Variants in ARHGEF10L observed in about 807,000 individuals in gnomAD.
The protein encoded by ARHGEF10L is Rho guanine nucleotide exchange factor 10 like.
In ARHGEF10L, 69 loss-of-function variants were observed where a neutral mutation model predicts 141.2. That is an observed-to-expected ratio of 0.49 (90% CI 0.40 to 0.60). ARHGEF10L has a LOEUF of 0.60. ARHGEF10L is among the 20% of genes least tolerant of loss of function. The pLI is 0.00. For synonymous variants in ARHGEF10L, 711 were observed against 718.5 expected (o/e 0.99, Z 0.17); for missense variants, 1,482 against 1,734.3 (o/e 0.85, Z 2.58).
intron 2 of ARHGEF10L, among the ~76,000 whole-genome samples, chr1:17,582,487 T>C (rs760719899): frequency 2.0e-5 from 3 of 152,238 alleles, no homozygotes; most frequent in African/African-American, 2.4e-5. Context: ...TTCAAATTCC[T>C]GAGTAGGGGA....
intron 4 of ARHGEF10L, among the ~76,000 whole-genome samples, chr1:17,597,880 G>A (rs1262949416): frequency 6.6e-6 from 1 of 152,166 alleles, no homozygotes; most frequent in Non-Finnish European, 1.5e-5. Context: ...CCCTCCTGAA[G>A]TTGCCTGACC....
At chr1:17,645,864 A>C (rs904732012) in intron 21 of ARHGEF10L, among the ~76,000 whole-genome samples, 1 of 152,194 alleles carries the variant, frequency 6.6e-6, no homozygotes, top group Non-Finnish European at 1.5e-5. Flanking sequence ...GTGAGGATGC[A>C]GTGAGGCAGT....
the ARHGEF10L span, among the ~76,000 whole-genome samples, chr1:17,521,760 C>A: frequency 6.6e-6 from 1 of 152,140 alleles, no homozygotes; most frequent in Admixed American, 6.6e-5. Flanking sequence ...CTCAGCCAAG[C>A]TCTTAGCTGC....
Position 17,540,237 on chromosome 1 carries a change from C to T in ARHGEF10L, c.-44+287C>T, listed in dbSNP as rs2076669421. Among the ~76,000 whole-genome samples, 3 of 152,158 alleles carry T rather than the reference C, an allele frequency of 2.0e-5. No homozygotes were observed. In the South Asian group the frequency reaches 6.2e-4, roughly 32 times the overall value. On this transcript the variant is annotated intron_variant, in intron 1 of 28. Coordinates refer to ENST00000361221, the MANE Select transcript of ARHGEF10L (RefSeq NM_018125.4). Reference sequence around the variant, plus strand: ...CTTGTGTGTGTGTGTGGCCTCCAGCCGGCTGGAGTCAGGACAGTTTGGGAA... The same window carrying T: ...CTTGTGTGTGTGTGTGGCCTCCAGCTGGCTGGAGTCAGGACAGTTTGGGAA...
chr1:17,672,513 C>T (rs944212937), intron 26 of ARHGEF10L, among the ~76,000 whole-genome samples: 1 of 152,160 alleles, frequency 6.6e-6, no homozygotes, highest in African/African-American at 2.4e-5. Flanking sequence ...CCAGAGCATG[C>T]AGGGTCTCGC....
chr1:17,603,632 GGGGA>G lies in ARHGEF10L; in HGVS notation c.433+48_433+51del, dbSNP rs1201454498. ...TGCTTCCCTGTTTCTCTTGGGGACAGGGGAGGGAGGCTGGGACTGGGGAGGGTTG... is the reference window on the plus strand; with the variant it reads ...TGCTTCCCTGTTTCTCTTGGGGACAGGGGAGGCTGGGACTGGGGAGGGTTG... On this transcript the variant is annotated intron_variant, in intron 6 of 28. Coordinates refer to ENST00000361221, the MANE Select transcript of ARHGEF10L (RefSeq NM_018125.4). This position sits in a 1 kb window ranked among gnomAD's most constrained non-coding sequence, Gnocchi z 4.8. 1 of 1,538,832 alleles carries G rather than the reference GGGGA, an allele frequency of 6.5e-7. No homozygotes were observed. Among genetic ancestry groups the G allele is most frequent in the Non-Finnish European group, 8.8e-7 (1 of 1,133,234 alleles).
rs148912953 is a variant in ARHGEF10L at position 17,687,746 on chromosome 1, A to C, written c.3183A>C (p.Pro1061=). The change falls in exon 27 of 29, where the codon CCA becomes CCC. Residue 1061 remains proline, a splice_region_variant and synonymous_variant. Transcript: ENST00000361221. ...NIATRTTFLL[P]GQKHLCVTSL... ...CCACCAGGACCACCTTCCTCCTGCC[A>C]GGTGAGGCTGCCTCGGGCACGGGGG... 67 of 1,574,410 alleles carry C rather than the reference A, an allele frequency of 4.3e-5. No individual in the cohort carries two copies. The highest frequency in any genetic ancestry group is 3.4e-4 in the Middle Eastern group (2 of 5,896).
At chr1:17,560,329 TC>T (rs199523710) in intron 1 of ARHGEF10L, among the ~76,000 whole-genome samples, 2,914 of 152,288 alleles carry the variant, frequency 0.019, 45 homozygotes, top group Non-Finnish European at 0.027. Context: ...GTCCACACTT[TC>T]CCCACCTGGA....
At chr1:17,524,355 C>A in the ARHGEF10L span, among the ~76,000 whole-genome samples, 1 of 140,682 alleles carries the variant, frequency 7.1e-6, no homozygotes, top group Non-Finnish European at 1.5e-5. Context: ...CATAATAAAA[C>A]CCCGTCTCTA....
chr1:17,525,087 C>A, the ARHGEF10L span, among the ~76,000 whole-genome samples: 1 of 152,180 alleles, frequency 6.6e-6, no homozygotes. Flanking sequence ...CCGGACCACA[C>A]TGTGACCTGC....
At chr1:17,575,100 AC>A (rs986293281) in intron 1 of ARHGEF10L, among the ~76,000 whole-genome samples, 35 of 152,016 alleles carry the variant, frequency 2.3e-4, no homozygotes, top group African/African-American at 8.0e-4. Context: ...TCTAGTGTGT[AC>A]CCCGGGCCAG....
At chr1:17,618,262 A>ACCC in intron 9 of ARHGEF10L, 10 of 684,232 alleles carry the variant, frequency 1.5e-5, no homozygotes, top group East Asian at 1.2e-4. Flanking sequence ...AGCCCTCCCC[A>ACCC]CCCCGCCCAC....
chr1:17,667,521 G>A (rs370986197), intron 26 of ARHGEF10L, among the ~76,000 whole-genome samples: 1 of 152,246 alleles, frequency 6.6e-6, no homozygotes, highest in Admixed American at 6.5e-5. Context: ...CCCCCTGTTG[G>A]TCAGAGGACA....
chr1:17,527,409 G>A, the ARHGEF10L span, among the ~76,000 whole-genome samples: 1 of 152,192 alleles, frequency 6.6e-6, no homozygotes, highest in Admixed American at 6.5e-5. Flanking sequence ...CAGGGAATGG[G>A]TTGGGATTGA....
Position 17,656,036 on chromosome 1 carries a change from GC to G in ARHGEF10L, c.2642del (p.Pro881ArgfsTer37). On this transcript the variant is annotated frameshift_variant, in exon 24 of 29. Coordinates refer to ENST00000361221, the MANE Select transcript of ARHGEF10L (RefSeq NM_018125.4). LOFTEE classifies it high-confidence loss of function. This position sits in a 1 kb window ranked among gnomAD's most constrained non-coding sequence, Gnocchi z 4.9. ...LEEEAESRDE[S>X]PTVADPSATV... The stretch of plus-strand genomic sequence containing the variant: ...GAGGAGGCGGAGAGCAGAGACGAGA[GC>G]CCGACAGTTGCTGACCCCTCGGCCA... 1 of 1,571,062 alleles carries G rather than the reference GC, an allele frequency of 6.4e-7. No homozygotes were observed. The highest frequency in any genetic ancestry group is 8.6e-7 in the Non-Finnish European group (1 of 1,157,484).
intron 3 of ARHGEF10L, 89 bp from the exon 4 acceptor site, chr1:17,588,357 T>TGG (rs2079208458): frequency 1.4e-6 from 2 of 1,448,594 alleles, no homozygotes; most frequent in Non-Finnish European, 1.9e-6. Flanking sequence ...GCGGCGCCCC[T>TGG]GGGGAGGCTG....
At chr1:17,663,203 C>A (rs765935575) in intron 25 of ARHGEF10L, among the ~76,000 whole-genome samples, 2 of 152,186 alleles carry the variant, frequency 1.3e-5, no homozygotes, top group Non-Finnish European at 2.9e-5. Flanking sequence ...TTGGGCCAGG[C>A]TCCTAGGTCT....
At chr1:17,522,477 C>T in the ARHGEF10L span, among the ~76,000 whole-genome samples, 1 of 151,740 alleles carries the variant, frequency 6.6e-6, no homozygotes, top group Non-Finnish European at 1.5e-5. Flanking sequence ...GATCCTGCCT[C>T]CCCAACCCCC....
chr1:17,697,870 C>T (rs1225524669), downstream of ARHGEF10L: 1 of 227,754 alleles, frequency 4.4e-6, no homozygotes, highest in Non-Finnish European at 9.3e-6. This position sits in a 1 kb window ranked among gnomAD's most constrained non-coding sequence, Gnocchi z 4.8. Context: ...TACATCTGGA[C>T]TTGGATTGAG....
Sources: allele counts gnomAD v4.1 joint callset (sites outside exome capture counted in the v4.1 genomes callset), GRCh38; gene constraint gnomAD v4.1.1; non-coding constraint Gnocchi (gnomAD v3.1); transcripts MANE v1.5; gene names NCBI Gene and HGNC (gene_info 2026-07-23, HGNC 2026-07-21).